The following SERINC4 variants were observed in gnomAD, a reference collection of about 807,000 sequenced individuals.
SERINC4 encodes serine incorporator 4.
SERINC4 carries 52 observed loss-of-function variants against 52.0 expected under a neutral mutation model. That is an observed-to-expected ratio of 1.00 (90% CI 0.80 to 1.26). The LOEUF is 1.26. SERINC4 is among the 50% of genes most tolerant of loss of function. The pLI, the probability that SERINC4 is intolerant of heterozygous loss-of-function variation, is 0.00. For synonymous variants in SERINC4, 264 were observed against 247.7 expected (o/e 1.07, Z -0.62); for missense variants, 723 against 632.8 (o/e 1.14, Z -1.53).
chr15:43,795,485 C>T lies in SERINC4; in HGVS notation c.1246G>A (p.Val416Ile), dbSNP rs768321884. 2.5e-6 allele frequency: 4 copies of T among 1,614,184 alleles called. No individual in the cohort carries two copies. The South Asian group carries it at 3.3e-5, about 13-fold the overall frequency. Residue 416 changes from valine to isoleucine, a missense_variant, in exon 11 of 12, where the codon GTC (valine) becomes ATC (isoleucine). By Grantham distance (29) the Val-to-Ile change is conservative (BLOSUM62 3). Transcript: ENST00000319327. ...ADQETPPAPP[V>I]QVQHLSYNYS... is the part of the protein sequence containing the mutation. ...TTGTAGGAAAGATGCTGGACTTGGA[C>T]TGGAGGAGCTGGAGGGGTTTCTTGG...
In SERINC4 at chr15:43,799,904, A is replaced by G. The variant is rs1331433381; in HGVS notation, c.83T>C (p.Val28Ala). 1.4e-5 allele frequency: 22 copies of G among 1,548,958 alleles called. No homozygotes were observed. Among genetic ancestry groups the G allele is most frequent in the Non-Finnish European group, 1.9e-5 (22 of 1,146,402 alleles). ...QQHSGGSSVL[V>A]KSPFCQVCCC... ...TCTCACCTGACAGAAGGGACTTTTCACTAGGACACTGCTGCCTCCGCTGTG... is the reference window on the plus strand; with the variant it reads ...TCTCACCTGACAGAAGGGACTTTTCGCTAGGACACTGCTGCCTCCGCTGTG... Residue 28 changes from valine (V) to alanine (A), a missense_variant, in exon 1 of 12, where the codon GTG becomes GCG. Val to Ala is a moderately conservative substitution (Grantham distance 64). Transcript: ENST00000319327.
rs895419581 is a variant in SERINC4, at chr15:43,799,898, C to CTT, written c.87_88dup (p.Ser30LysfsTer55). 6.5e-7 allele frequency: 1 copy of CTT among 1,548,578 alleles called. No individual in the cohort carries two copies. The highest frequency in any genetic ancestry group is 1.4e-5 in the African/African-American group (1 of 72,968). ...GCACCCTCTCACCTGACAGAAGGGA[C>CTT]TTTTCACTAGGACACTGCTGCCTCC... is the stretch of plus-strand genomic sequence containing the variant. On this transcript the variant is annotated frameshift_variant, in exon 1 of 12. Coordinates refer to ENST00000319327, the MANE Select transcript of SERINC4 (RefSeq NM_001258031.2). LOFTEE classifies it high-confidence loss of function.
chr15:43,794,597 T>G lies in SERINC4; in HGVS notation c.*403A>C. On this transcript the variant is annotated 3_prime_UTR_variant, in exon 12 of 12. Coordinates refer to ENST00000319327, the MANE Select transcript of SERINC4 (RefSeq NM_001258031.2). The stretch of plus-strand genomic sequence containing the variant: ...TTGTTCTGTGGTTCTGGGCTTCTTA[T>G]ATCCGTGTGCCCAGGGCTGAACTCC... 5.7e-6 allele frequency: 1 copy of G among 176,612 alleles called. No individual in the cohort carries two copies. Among genetic ancestry groups the G allele is most frequent in the Middle Eastern group, 1.6e-3 (1 of 608 alleles). The allele number at this position is 176,612 out of a possible 1,614,324, so 10.9% of individuals were successfully genotyped here.
chr15:43,794,903 C>A lies in SERINC4; in HGVS notation c.*97G>T. 1 of 909,964 alleles carries A rather than the reference C, an allele frequency of 1.1e-6. No individual in the cohort carries two copies. Among genetic ancestry groups the A allele is most frequent in the Non-Finnish European group, 1.7e-6 (1 of 590,604 alleles). 56.4% of individuals were successfully genotyped at this position (909,964 alleles called of 1,614,324 possible). ...ACTTCAGCCCAAACGGAGATAACTC[C>A]CTGTGTGTCCTTGAGGTATTGAGCT... On this transcript the variant is annotated 3_prime_UTR_variant, in exon 12 of 12. Transcript: ENST00000319327.
rs769207809 is a variant in SERINC4 at position 43,796,655 on chromosome 15, A to C, written c.1028T>G (p.Leu343Arg). Residue 343 changes from leucine to arginine, a missense_variant, in exon 8 of 12, where the codon CTG becomes CGG. Coordinates refer to ENST00000319327, the MANE Select transcript of SERINC4 (RefSeq NM_001258031.2). The part of the protein sequence containing the change: ...PQTPDISLAM[L>R]SASIMYACVL... ...ACAAGCATACATGATGCTAGCACTC[A>C]GCATTGCTAGAGAGATATCTGGTGT... The C allele has an allele frequency of 6.2e-7, 1 of 1,613,998 alleles. No homozygotes were observed. The highest frequency in any genetic ancestry group is 1.7e-5 in the Admixed American group (1 of 60,008).
At chr15:43,797,537 C>T in intron 5 of SERINC4, 181 bp from the exon 6 acceptor site, 6 of 581,998 alleles carry the variant, frequency 1.0e-5, no homozygotes, top group Non-Finnish European at 1.8e-5. Context: ...GGATTACAGG[C>T]ACCTACCACC....
At position 43,799,347 on chromosome 15, in the gene SERINC4, C is replaced by T; in HGVS notation, c.242G>A (p.Arg81Lys). Residue 81 changes from arginine to lysine, a missense_variant, in exon 2 of 12, where the codon AGG becomes AAG. By Grantham distance (26) the Arg-to-Lys change is conservative (BLOSUM62 2). Coordinates refer to ENST00000319327, the MANE Select transcript of SERINC4 (RefSeq NM_001258031.2). ...GCCCCACACCCTTTCCACTACTGTC[C>T]TTGACAGCAGGAGGCAGCAGATTGC... ...ASAICCLLLS[R>K]TVVERVWGKT... is the part of the protein sequence containing the mutation. The T allele has an allele frequency of 1.3e-6, 2 of 1,551,124 alleles. No homozygotes were observed. Among genetic ancestry groups the T allele is most frequent in the Non-Finnish European group, 1.7e-6 (2 of 1,147,100 alleles).
chr15:43,799,707 TGACCTTTCTCTC>T (rs2087282247), intron 1 of SERINC4, 166 bp downstream of exon 1: 1 of 815,696 alleles, frequency 1.2e-6, no homozygotes, highest in Non-Finnish European at 2.1e-6. Flanking sequence ...TTGAGATATC[TGACCTTTCTCTC>T]GACCTAAACA....
At chr15:43,797,519 A>C (rs926374734) in intron 5 of SERINC4, 163 bp from the exon 6 acceptor site, 2 of 599,738 alleles carry the variant, frequency 3.3e-6, no homozygotes, top group South Asian at 2.0e-5. Context: ...CAGCCTCCTG[A>C]GTAGCTGGGA....
chr15:43,796,119 G>A, intron 9 of SERINC4, 36 bp downstream of exon 9: 1 of 1,435,562 alleles, frequency 7.0e-7, no homozygotes, highest in Non-Finnish European at 9.8e-7. Flanking sequence ...TGTGGGGGAG[G>A]GAGGGTGTTG....
At chr15:43,798,372 G>A (rs1249823995) in intron 4 of SERINC4, 53 bp downstream of exon 4, 3 of 1,359,298 alleles carry the variant, frequency 2.2e-6, no homozygotes, top group Non-Finnish European at 3.2e-6. Flanking sequence ...TTACCCACTT[G>A]TTATCTTAGA....
At chr15:43,798,392 C>G in intron 4 of SERINC4, 33 bp downstream of exon 4, 1 of 1,520,622 alleles carries the variant, frequency 6.6e-7, no homozygotes, top group Non-Finnish European at 9.1e-7. Context: ...AAAACTTAGC[C>G]TACTCCTGCC....
Position 43,796,932 on chromosome 15 carries a change from G to A in SERINC4, c.853C>T (p.Arg285Cys), listed in dbSNP as rs376072729. The change falls in exon 7 of 12, where the codon CGC becomes TGC. Residue 285 changes from arginine (R) to cysteine (C), a missense_variant. Physicochemically the swap from Arg to Cys is radical, Grantham distance 180. Transcript: ENST00000319327. Reference protein sequence around the residue: ...IAPCIRLKQPRSGLLQASVIS... With the variant: ...IAPCIRLKQPCSGLLQASVIS... ...ACAGAAGCTTGTAGGAGGCCAGAGC[G>A]GGGTTGCTCTGGGGAGTAAGTATAA... 8.7e-6 allele frequency: 14 copies of A among 1,613,120 alleles called. No individual in the cohort carries two copies. Among genetic ancestry groups the A allele is most frequent in the South Asian group, 3.3e-5 (3 of 91,050 alleles).
chr15:43,799,622 C>T, intron 1 of SERINC4, 136 bp from the exon 2 acceptor site: 2 of 1,126,656 alleles, frequency 1.8e-6, no homozygotes, highest in Non-Finnish European at 1.3e-6. Flanking sequence ...TACTCAGGTT[C>T]TGTTTCAAGC....
chr15:43,799,428 A>C lies in SERINC4; in HGVS notation c.161T>G (p.Leu54Arg), dbSNP rs761740051. The change falls in exon 2 of 12, where the codon CTC (leucine) becomes CGC (arginine). Residue 54 changes from leucine (L) to arginine (R), a missense_variant. Physicochemically the swap from Leu to Arg is moderately radical, Grantham distance 102. Coordinates refer to ENST00000319327, the MANE Select transcript of SERINC4 (RefSeq NM_001258031.2). ...CAGGCGGCTGCAAGTGGATGCGGTGAGAGAGGGCCACCTAGAGTGGCAGCA... is the reference window on the plus strand; with the variant it reads ...CAGGCGGCTGCAAGTGGATGCGGTGCGAGAGGGCCACCTAGAGTGGCAGCA... ...ASCCHSRWPS[L>R]TASTCSRLFY... 102 of 1,550,780 alleles carry C rather than the reference A, an allele frequency of 6.6e-5. 2 individuals are homozygous for C. In the East Asian group the frequency reaches 2.4e-3, roughly 36 times the overall value.
Position 43,795,122 on chromosome 15 carries a change from G to A in SERINC4, c.1435C>T (p.Leu479Phe), listed in dbSNP as rs1185244548. The A allele has an allele frequency of 4.3e-6, 7 of 1,613,988 alleles. No homozygotes were observed. Among genetic ancestry groups the A allele is most frequent in the African/African-American group, 4.0e-5 (3 of 74,908 alleles). The change falls in exon 12 of 12, where the codon CTC (leucine) becomes TTC (phenylalanine). Residue 479 changes from leucine (L) to phenylalanine (F), a missense_variant. Transcript: ENST00000319327. ...KVASCWACVL[L>F]YLGLLLAPLC... ...GGTGCCAGTAACAGCCCCAGATAGA[G>A]GAGTACGCAGGCCCAGCATGAGGCA...
Position 43,799,076 on chromosome 15 carries a change from C to A in SERINC4, c.341G>T (p.Ser114Ile). ...TACTCGGTACACAGCCCCAGAGCCA[C>A]TGAGCACTGGACAGTCAGAGAGGCC... ...LFGLSDCPVL[S>I]GSGAVYRVCA... Residue 114 changes from serine to isoleucine, a missense_variant, in exon 3 of 12, where the codon AGT (serine) becomes ATT (isoleucine). By Grantham distance (142) the Ser-to-Ile change is moderately radical. Coordinates refer to ENST00000319327, the MANE Select transcript of SERINC4 (RefSeq NM_001258031.2). 6.4e-7 allele frequency: 1 copy of A among 1,550,542 alleles called. No homozygotes were observed.
intron 4 of SERINC4, 151 bp downstream of exon 4, chr15:43,798,274 C>G (rs893816111): frequency 2.9e-4 from 200 of 696,934 alleles, no homozygotes; most frequent in South Asian, 8.5e-4. Context: ...TTGTCTTGAT[C>G]TCTTGACCTC....
chr15:43,796,356 G>C, intron 8 of SERINC4, 129 bp from the exon 9 acceptor site: 1 of 784,516 alleles, frequency 1.3e-6, no homozygotes, highest in South Asian at 1.7e-5. Flanking sequence ...TTCCACCAAA[G>C]ATTTAGAATT....
Sources: gnomAD v4.1 joint callset for allele counts on GRCh38, gnomAD v4.1.1 for gene constraint, MANE v1.5 for transcripts, NCBI Gene and HGNC (gene_info 2026-07-23, HGNC 2026-07-21) for gene names.